RASGEF1A: variants seen among roughly 807,000 people sequenced by gnomAD.
RASGEF1A encodes ras-GEF domain-containing family member 1A.
Under a neutral mutation model 56.4 loss-of-function variants are expected in RASGEF1A, and 18 were observed. That is an observed-to-expected ratio of 0.32 (90% CI 0.22 to 0.47). RASGEF1A has a LOEUF of 0.47. Ranked by LOEUF, RASGEF1A falls within the 20% of genes least tolerant of loss-of-function variation. The pLI is 1.00. For synonymous variants in RASGEF1A, 245 were observed against 242.6 expected, an observed-to-expected ratio of 1.01 and a Z score of -0.09; for missense variants, 422 against 627.1, an observed-to-expected ratio of 0.67 and a Z score of 3.49.
intron 1 of RASGEF1A, among the ~76,000 whole-genome samples, chr10:43,257,891 G>C (rs1455468679): frequency 1.3e-5 from 2 of 152,366 alleles, no homozygotes; most frequent in East Asian, 3.9e-4. Flanking sequence ...CATCCAGGCA[G>C]CCAGTGCTCT....
At chr10:43,230,016 G>T (rs1330811827) in intron 1 of RASGEF1A, among the ~76,000 whole-genome samples, 1 of 151,972 alleles carries the variant, frequency 6.6e-6, no homozygotes, top group East Asian at 1.9e-4. Flanking sequence ...GGGGTGTGAG[G>T]CTGGACGGGG....
chr10:43,225,576 G>GGTGT (rs139307816), intron 1 of RASGEF1A, among the ~76,000 whole-genome samples: 352 of 146,172 alleles, frequency 2.4e-3, no homozygotes, highest in South Asian at 0.017. Flanking sequence ...TCTGTGTATG[G>GGTGT]GTGTGTGTGT....
chr10:43,249,533 G>C (rs1840603267), intron 1 of RASGEF1A, among the ~76,000 whole-genome samples: 1 of 152,252 alleles, frequency 6.6e-6, no homozygotes, highest in Non-Finnish European at 1.5e-5. Context: ...TCTCCCCATT[G>C]CTGTTGGCTG....
At chr10:43,264,321 G>C (rs557243220) in intron 1 of RASGEF1A, among the ~76,000 whole-genome samples, 2 of 151,708 alleles carry the variant, frequency 1.3e-5, no homozygotes, top group Non-Finnish European at 2.9e-5. Flanking sequence ...CCCAAAAAGT[G>C]GGCAGTGAGC....
chr10:43,229,515 G>T, intron 1 of RASGEF1A: 5 of 740,866 alleles, frequency 6.7e-6, no homozygotes, highest in Non-Finnish European at 1.0e-5. Flanking sequence ...CGGCGCGCGG[G>T]TCCTCAGGGC....
chr10:43,253,594 C>A (rs1430442530), intron 1 of RASGEF1A, among the ~76,000 whole-genome samples: 1 of 152,252 alleles, frequency 6.6e-6, no homozygotes, highest in East Asian at 1.9e-4. Context: ...GGGGACCCAA[C>A]ACCTGTGGCT....
At chr10:43,225,395 CTG>C (rs1243085930) in intron 1 of RASGEF1A, among the ~76,000 whole-genome samples, 3 of 135,524 alleles carry the variant, frequency 2.2e-5, no homozygotes, top group African/African-American at 8.5e-5. Flanking sequence ...GTGTCTGTGT[CTG>C]TGTGTGTGCC....
Position 43,196,313 on chromosome 10 carries a change from G to T in RASGEF1A, c.1422-45C>A, listed in dbSNP as rs530900719. On this transcript the variant is annotated intron_variant, in intron 12 of 12. Coordinates refer to ENST00000395810, the MANE Select transcript of RASGEF1A (RefSeq NM_145313.4). This position sits in a 1 kb window ranked among gnomAD's most constrained non-coding sequence, Gnocchi z 4.6. ...GCAGTGCTCAGGCCCGAGCAGGGCG[G>T]CTTGGGTCCAAGCCATCCTCAGCCT... 4.3e-6 allele frequency: 7 copies of T among 1,609,642 alleles called. No homozygotes were observed. Among genetic ancestry groups the T allele is most frequent in the Non-Finnish European group, 5.9e-6 (7 of 1,176,862 alleles).
chr10:43,260,653 T>TC (rs1286510674), intron 1 of RASGEF1A, among the ~76,000 whole-genome samples: 1 of 151,922 alleles, frequency 6.6e-6, no homozygotes, highest in Non-Finnish European at 1.5e-5. Context: ...CTGGCCACTG[T>TC]CCCGCCCCCT....
intron 3 of RASGEF1A, chr10:43,202,654 G>T: frequency 5.9e-6 from 1 of 170,384 alleles, no homozygotes. Flanking sequence ...CCCGGCCCCC[G>T]CACCACCCAG....
intron 1 of RASGEF1A, among the ~76,000 whole-genome samples, chr10:43,225,576 G>GTGT (rs1554827209): frequency 3.9e-4 from 57 of 146,082 alleles, no homozygotes; most frequent in African/African-American, 1.4e-3. Context: ...TCTGTGTATG[G>GTGT]GTGTGTGTGT....
Position 43,198,955 on chromosome 10 carries a change from G to A in RASGEF1A, c.1010C>T (p.Thr337Ile), listed in dbSNP as rs1275128231. 2 of 1,610,256 alleles carry A rather than the reference G, an allele frequency of 1.2e-6. No individual in the cohort carries two copies. Among genetic ancestry groups the A allele is most frequent in the South Asian group, 1.1e-5 (1 of 90,986 alleles). The part of the protein sequence containing the change: ...RLKKTWSKVK[T>I]AKFDVLEHHM... ...TACCTCCAAGACATCAAACTTGGCT[G>A]TCTTGACCTTGGACCAAGTTTTCTT... The change falls in exon 9 of 13, where the codon ACA becomes ATA. Residue 337 changes from threonine (T) to isoleucine (I), a missense_variant. This residue lies in a region of RASGEF1A where 149 missense variants were observed against 287.2 expected (regional missense o/e 0.52). Transcript: ENST00000395810.
chr10:43,226,713 C>G (rs1350336851), intron 1 of RASGEF1A, among the ~76,000 whole-genome samples: 2 of 152,224 alleles, frequency 1.3e-5, no homozygotes, highest in Non-Finnish European at 2.9e-5. Context: ...AGACACAGCC[C>G]CTCTGGACCT....
At chr10:43,199,275 G>T in intron 7 of RASGEF1A, 81 bp from the exon 8 acceptor site, 1 of 1,089,770 alleles carries the variant, frequency 9.2e-7, no homozygotes, top group Non-Finnish European at 1.4e-6. Flanking sequence ...GAACAGAGGG[G>T]CAGGGAGGAC....
chr10:43,255,384 G>A (rs1256559181), intron 1 of RASGEF1A, among the ~76,000 whole-genome samples: 1 of 152,110 alleles, frequency 6.6e-6, no homozygotes, highest in Non-Finnish European at 1.5e-5. Flanking sequence ...GCAGGCTGAG[G>A]TGAGAGAGCT....
intron 1 of RASGEF1A, among the ~76,000 whole-genome samples, chr10:43,256,173 A>G (rs928649444): frequency 2.6e-5 from 4 of 152,182 alleles, no homozygotes; most frequent in Admixed American, 2.6e-4. Context: ...TGTGCCCCAC[A>G]AGCCACAGGT....
intron 6 of RASGEF1A, 70 bp from the exon 7 acceptor site, chr10:43,199,838 G>T: frequency 7.8e-7 from 1 of 1,284,940 alleles, no homozygotes. Flanking sequence ...CCCACAGCTG[G>T]CCCTGGTCCC....
chr10:43,241,739 C>T lies in RASGEF1A; in HGVS notation c.-7+25106G>A, dbSNP rs184267237. On this transcript the variant is annotated intron_variant, in intron 1 of 12. Coordinates refer to ENST00000395810, the MANE Select transcript of RASGEF1A (RefSeq NM_145313.4). ...ATTAAATGTAAATGAATTAAACACT[C>T]CAGTTAAGAGTCAGAGATTATCAGA... Among the ~76,000 whole-genome samples, 8 of 152,074 alleles carry T rather than the reference C, an allele frequency of 5.3e-5. No individual in the cohort carries two copies. In the East Asian group the frequency reaches 1.5e-3, roughly 29 times the overall value.
chr10:43,238,421 T>C (rs1840463359), intron 1 of RASGEF1A, among the ~76,000 whole-genome samples: 1 of 152,250 alleles, frequency 6.6e-6, no homozygotes. Flanking sequence ...CGAACTGCAG[T>C]ACTTTAGATA....
Sources: allele counts gnomAD v4.1 joint callset (sites outside exome capture counted in the v4.1 genomes callset), GRCh38; gene constraint gnomAD v4.1.1; regional missense constraint gnomAD v4.1.1; non-coding constraint Gnocchi (gnomAD v3.1); transcripts MANE v1.5; gene names NCBI Gene and HGNC (gene_info 2026-07-23, HGNC 2026-07-21).